Variants in MMAA observed in about 807,000 individuals in gnomAD.
MMAA encodes metabolism of cobalamin associated A.
A neutral mutation model predicts 45.0 loss-of-function variants in MMAA; 41 were observed. The observed-to-expected ratio is 0.91, with a 90% confidence interval of 0.71 to 1.18. The LOEUF is 1.18. Ranked by LOEUF, MMAA falls within the 50% of genes most tolerant of loss-of-function variation. The probability of loss-of-function intolerance (pLI) is 0.00; values close to 1 mark genes in which losing one functional copy is unlikely to be tolerated. For missense variants in MMAA, 460 were observed against 495.7 expected (o/e 0.93, Z 0.68); for synonymous variants, 154 against 178.2 (o/e 0.86, Z 1.08).
At position 145,651,136 on chromosome 4, in the gene MMAA, G is replaced by C. The variant is rs757242348; in HGVS notation, c.808G>C (p.Asp270His). 6.2e-7 allele frequency: 1 copy of C among 1,613,804 alleles called. No homozygotes were observed. The highest frequency in any genetic ancestry group is 1.1e-5 in the South Asian group (1 of 91,078). ...FVLLLPPAGGDELQGIKRGII... is the reference protein window; with the variant it reads ...FVLLLPPAGGHELQGIKRGII... ...TTTACTACTGCCACCAGCAGGAGGA[G>C]ATGAGCTGCAGGTAATTATTTTTAT... Residue 270 changes from aspartate (D) to histidine (H), a missense_variant, in exon 5 of 7, where the codon GAT becomes CAT. Asp to His is a moderately conservative substitution (Grantham distance 81). Coordinates refer to ENST00000649156, the MANE Select transcript of MMAA (RefSeq NM_172250.3).
chr4:145,624,062 G>A, intron 1 of MMAA: 2 of 807,898 alleles, frequency 2.5e-6, no homozygotes, highest in South Asian at 1.3e-5. Flanking sequence ...AAGCTAACTG[G>A]TCAGACCCAG....
At position 145,639,128 on chromosome 4, in the gene MMAA, A is replaced by G; in HGVS notation, c.-12A>G. The G allele has an allele frequency of 6.2e-7, 1 of 1,614,056 alleles. No homozygotes were observed. Among genetic ancestry groups the G allele is most frequent in the Non-Finnish European group, 8.5e-7 (1 of 1,179,908 alleles). On this transcript the variant is annotated 5_prime_UTR_variant, in exon 2 of 7. Coordinates refer to ENST00000649156, the MANE Select transcript of MMAA (RefSeq NM_172250.3). ...GCATCCAGTGTTTTCTCCAGTTACAAATAAAACGAATATGCCCATGCTGCT... is the reference window on the plus strand; with the variant it reads ...GCATCCAGTGTTTTCTCCAGTTACAGATAAAACGAATATGCCCATGCTGCT...
rs556788892 is a variant in MMAA at position 145,659,478 on chromosome 4, T to G, written c.*4044T>G. ...TTGCTTAGACCCCTCAGCTTCTTGA[T>G]AGAGTGAGGTGAGGGCATATGTAAG... On this transcript the variant is annotated 3_prime_UTR_variant, in exon 7 of 7. Transcript: ENST00000649156. The G allele has an allele frequency of 1.3e-5, 2 of 152,180 alleles. No individual in the cohort carries two copies. Among genetic ancestry groups the G allele is most frequent in the Admixed American group, 1.3e-4 (2 of 15,278 alleles). The allele number at this position is 152,180 out of a possible 1,614,324, so 9.4% of individuals were successfully genotyped here.
In MMAA at chr4:145,658,794, G is replaced by A. The variant is rs1181725429; in HGVS notation, c.*3360G>A. ...GTCCTAATGCTACTGCTAAAAACTAGTAAACTACCAGTAAACTGTGAAGAC... is the reference window on the plus strand; with the variant it reads ...GTCCTAATGCTACTGCTAAAAACTAATAAACTACCAGTAAACTGTGAAGAC... On this transcript the variant is annotated 3_prime_UTR_variant, in exon 7 of 7. Transcript: ENST00000649156. 1 of 151,864 alleles carries A rather than the reference G, an allele frequency of 6.6e-6. No homozygotes were observed. The highest frequency in any genetic ancestry group is 1.9e-4 in the East Asian group (1 of 5,182). The allele number at this position is 151,864 out of a possible 1,614,324, so 9.4% of individuals were successfully genotyped here.
At chr4:145,647,295 C>G (rs907440264) in intron 4 of MMAA, among the ~76,000 whole-genome samples, 1 of 152,108 alleles carries the variant, frequency 6.6e-6, no homozygotes, top group Non-Finnish European at 1.5e-5. Context: ...ACAATGAGTT[C>G]AGTTGTGAAT....
intron 1 of MMAA, among the ~76,000 whole-genome samples, chr4:145,621,889 A>G (rs1734096556): frequency 6.6e-6 from 1 of 152,246 alleles, no homozygotes; most frequent in South Asian, 2.1e-4. Context: ...CCATATATTG[A>G]AATCAGTTTA....
At chr4:145,641,516 G>A (rs1372824694) in intron 2 of MMAA, among the ~76,000 whole-genome samples, 2 of 152,178 alleles carry the variant, frequency 1.3e-5, no homozygotes, top group African/African-American at 4.8e-5. Flanking sequence ...AGTGTAGTTA[G>A]TTAAATGTCT....
At chr4:145,621,884 T>C (rs1734096374) in intron 1 of MMAA, among the ~76,000 whole-genome samples, 1 of 152,210 alleles carries the variant, frequency 6.6e-6, no homozygotes, top group African/African-American at 2.4e-5. Flanking sequence ...AATATCCATA[T>C]ATTGAAATCA....
rs1728217689 is a variant in MMAA, at chr4:145,655,985, C to T, written c.*551C>T. 1 of 152,188 alleles carries T rather than the reference C, an allele frequency of 6.6e-6. No individual in the cohort carries two copies. Among genetic ancestry groups the T allele is most frequent in the Admixed American group, 6.5e-5 (1 of 15,278 alleles). 9.4% of individuals were successfully genotyped at this position (152,188 alleles called of 1,614,324 possible). On this transcript the variant is annotated 3_prime_UTR_variant, in exon 7 of 7. Coordinates refer to ENST00000649156, the MANE Select transcript of MMAA (RefSeq NM_172250.3). ...GATGATGTGAACACAATTTTAAAGT[C>T]TGCTTGTCTGGATTTGCAGGTACCC...
chr4:145,646,723 CAGCTGAACTCAGTTTCGA>C (rs1727935995), intron 4 of MMAA: 1 of 154,894 alleles, frequency 6.5e-6, no homozygotes, highest in Admixed American at 6.4e-5. Flanking sequence ...GAGGAGGTCA[CAGCTGAACTCAGTTTCGA>C]AGGAAGAATT....
intron 1 of MMAA, among the ~76,000 whole-genome samples, chr4:145,631,345 A>G (rs1727425449): frequency 6.6e-6 from 1 of 152,236 alleles, no homozygotes; most frequent in Admixed American, 6.5e-5. Context: ...GTGCATGTAG[A>G]TTTAAAATTG....
At chr4:145,620,619 T>A (rs1734071949) in intron 1 of MMAA, among the ~76,000 whole-genome samples, 1 of 152,254 alleles carries the variant, frequency 6.6e-6, no homozygotes, top group Non-Finnish European at 1.5e-5. Flanking sequence ...AGTACAGTCC[T>A]ACACTTACAC....
rs1171510867 is a variant in MMAA at position 145,651,011 on chromosome 4, A to G, written c.734-51A>G. 6 of 1,515,254 alleles carry G rather than the reference A, an allele frequency of 4.0e-6. No homozygotes were observed. The South Asian group carries it at 5.6e-5, about 14-fold the overall frequency. The allele number at this position is 1,515,254 out of a possible 1,614,324, so 93.9% of individuals were successfully genotyped here. A position where few individuals can be genotyped will look rare whatever the true frequency, so the allele number is the denominator to read the frequency against. ...TGGAAATGGTCAATGTAGTTGAGAA[A>G]GTCAAATAATGGTGAGTATTTTAGG... On this transcript the variant is annotated intron_variant, in intron 4 of 6. Transcript: ENST00000649156.
At chr4:145,632,533 G>C (rs546541393) in intron 1 of MMAA, among the ~76,000 whole-genome samples, 2 of 152,204 alleles carry the variant, frequency 1.3e-5, no homozygotes, top group South Asian at 4.1e-4. Flanking sequence ...CTTGACTATT[G>C]ATATCTTTCC....
intron 1 of MMAA, chr4:145,625,047 C>T (rs756089161): frequency 2.4e-5 from 22 of 902,632 alleles, no homozygotes; most frequent in Admixed American, 8.8e-5. Flanking sequence ...AACTTCTCAC[C>T]GGTTTCATGA....
chr4:145,624,533 CT>C lies in MMAA; in HGVS notation c.-66+5129del, dbSNP rs1734157485. 3 of 1,120,164 alleles carry C rather than the reference CT, an allele frequency of 2.7e-6. No individual in the cohort carries two copies. The Admixed American group carries it at 5.5e-5, about 21-fold the overall frequency. The allele number at this position is 1,120,164 out of a possible 1,614,324, so 69.4% of individuals were successfully genotyped here. ...TAAGCCACTCTGACAAGGTGCTGTTCTTTATGACTTGGAAGGAATCAGCAAT... is the reference window on the plus strand; with the variant it reads ...TAAGCCACTCTGACAAGGTGCTGTTCTTATGACTTGGAAGGAATCAGCAAT... On this transcript the variant is annotated intron_variant, in intron 1 of 6. Coordinates refer to ENST00000649156, the MANE Select transcript of MMAA (RefSeq NM_172250.3).
chr4:145,631,230 A>T (rs552475923), intron 1 of MMAA, among the ~76,000 whole-genome samples: 3 of 152,362 alleles, frequency 2.0e-5, no homozygotes, highest in Admixed American at 2.0e-4. Flanking sequence ...AGATATGTCC[A>T]ATACTGAAAG....
rs374352921 is a variant in MMAA at position 145,642,406 on chromosome 4, A to C, written c.483A>C (p.Glu161Asp). 3.1e-6 allele frequency: 5 copies of C among 1,614,172 alleles called. No homozygotes were observed. Among genetic ancestry groups the C allele is most frequent in the Non-Finnish European group, 4.2e-6 (5 of 1,180,008 alleles). Residue 161 changes from glutamate to aspartate, a missense_variant, in exon 3 of 7, where the codon GAA (glutamate) becomes GAC (aspartate). Transcript: ENST00000649156. ...GTGCTGGAAAATCAACATTTATAGA[A>C]TATTTTGGAAAAATGCTTACTGAGA... ...PPGAGKSTFI[E>D]YFGKMLTERG...
chr4:145,632,012 G>A (rs1246011621), intron 1 of MMAA, among the ~76,000 whole-genome samples: 2 of 152,102 alleles, frequency 1.3e-5, no homozygotes, highest in African/African-American at 4.8e-5. Context: ...AGTTATTTTT[G>A]ATTGGTTCAT....
Sources: allele counts gnomAD v4.1 joint callset (sites outside exome capture counted in the v4.1 genomes callset), GRCh38; gene constraint gnomAD v4.1.1; transcripts MANE v1.5; gene names NCBI Gene and HGNC (gene_info 2026-07-23, HGNC 2026-07-21).